The following CYP39A1 variants were observed in gnomAD, a reference collection of about 807,000 sequenced individuals.
CYP39A1 encodes cytochrome P450 family 39 subfamily A member 1.
CYP39A1 carries 49 observed loss-of-function variants against 58.1 expected under a neutral mutation model. The observed-to-expected ratio is 0.84, with a 90% CI of 0.67 to 1.07. The LOEUF is 1.07. Among genes scored for constraint, CYP39A1 ranks in the 50% least tolerant of loss-of-function variants. The probability of loss-of-function intolerance (pLI) is 0.00; values close to 1 mark genes in which losing one functional copy is unlikely to be tolerated. For synonymous variants in CYP39A1, 209 were observed against 187.6 expected (o/e 1.11, Z -0.93); for missense variants, 531 against 539.4 (o/e 0.98, Z 0.16).
At chr6:46,636,572 A>G in intron 4 of CYP39A1, 90 bp from the exon 5 acceptor site, 1 of 775,928 alleles carries the variant, frequency 1.3e-6, no homozygotes, top group African/African-American at 1.8e-5. Context: ...CTGTGGAATT[A>G]AAATTAGTTC....
chr6:46,607,238 A>G (rs1233842434), intron 7 of CYP39A1, among the ~76,000 whole-genome samples: 3 of 152,184 alleles, frequency 2.0e-5, no homozygotes, highest in African/African-American at 4.8e-5. Context: ...TAAGTTTCAT[A>G]TAAGAGAATT....
chr6:46,552,920 C>T (rs771871093), intron 11 of CYP39A1, among the ~76,000 whole-genome samples: 13 of 151,836 alleles, frequency 8.6e-5, no homozygotes, highest in African/African-American at 2.9e-4. Context: ...TGGTGGTGTG[C>T]GCCTGCAGGC....
At chr6:46,623,187 C>CA (rs59179491) in intron 7 of CYP39A1, among the ~76,000 whole-genome samples, 29,056 of 152,046 alleles carry the variant, frequency 0.19, 2,983 homozygotes, top group African/African-American at 0.27. Context: ...TTGACTGGAT[C>CA]GGGGGTGCCC....
chr6:46,573,226 T>C (rs190776879), intron 10 of CYP39A1, among the ~76,000 whole-genome samples: 5 of 152,250 alleles, frequency 3.3e-5, no homozygotes, highest in African/African-American at 1.2e-4. Context: ...TGTGTATGTG[T>C]TTATGACCTT....
chr6:46,577,606 A>T (rs1771906621), intron 10 of CYP39A1, among the ~76,000 whole-genome samples: 1 of 152,104 alleles, frequency 6.6e-6, no homozygotes, highest in African/African-American at 2.4e-5. Flanking sequence ...AACAGAAAAT[A>T]AAAAAAGAGT....
chr6:46,621,307 T>C (rs1351936301), intron 7 of CYP39A1, among the ~76,000 whole-genome samples: 1 of 148,674 alleles, frequency 6.7e-6, no homozygotes, highest in Non-Finnish European at 1.5e-5. Context: ...AATAGAGAAA[T>C]TGTAAAGATT....
chr6:46,571,121 T>C (rs1388784129), intron 10 of CYP39A1, among the ~76,000 whole-genome samples: 9 of 152,190 alleles, frequency 5.9e-5, no homozygotes, highest in African/African-American at 1.9e-4. Flanking sequence ...TTAAATTTTT[T>C]ATGGTCTACT....
chr6:46,590,784 C>T (rs1297084558), intron 8 of CYP39A1, among the ~76,000 whole-genome samples: 1 of 152,122 alleles, frequency 6.6e-6, no homozygotes, highest in Non-Finnish European at 1.5e-5. Context: ...TTTGATCCTC[C>T]TGAATAACCA....
In CYP39A1 at chr6:46,625,433, C is replaced by T; in HGVS notation, c.916G>A (p.Val306Met). The change falls in exon 7 of 12, where the codon GTG becomes ATG. Residue 306 changes from valine to methionine, a missense_variant. Coordinates refer to ENST00000275016, the MANE Select transcript of CYP39A1 (RefSeq NM_016593.5). ...HKAIMEGISS[V>M]FGKAGKDKIK... ...GGTTTAGTACCTGCTTTGCCAAACA[C>T]AGAAGATATGCCTTCCATAATGGCC... is the stretch of plus-strand genomic sequence containing the variant. 1 of 1,608,542 alleles carries T rather than the reference C, an allele frequency of 6.2e-7. No homozygotes were observed. Among genetic ancestry groups the T allele is most frequent in the Non-Finnish European group, 8.5e-7 (1 of 1,177,016 alleles).
At chr6:46,566,886 A>G (rs1054378701) in intron 10 of CYP39A1, among the ~76,000 whole-genome samples, 3 of 152,020 alleles carry the variant, frequency 2.0e-5, no homozygotes, top group Admixed American at 6.6e-5. Context: ...ATATACATGT[A>G]CCCATATATA....
At chr6:46,621,879 T>C (rs1774976576) in intron 7 of CYP39A1, among the ~76,000 whole-genome samples, 1 of 152,110 alleles carries the variant, frequency 6.6e-6, no homozygotes, top group East Asian at 1.9e-4. Flanking sequence ...ATATTCCTTA[T>C]TAACATAGAT....
At chr6:46,616,763 G>T (rs1439293587) in intron 7 of CYP39A1, among the ~76,000 whole-genome samples, 1 of 152,108 alleles carries the variant, frequency 6.6e-6, no homozygotes, top group East Asian at 1.9e-4. Flanking sequence ...AAGGATGAAA[G>T]GGCAGAGATG....
chr6:46,637,932 A>C lies in CYP39A1; in HGVS notation c.535T>G (p.Leu179Val), dbSNP rs1429251619. 1.9e-6 allele frequency: 3 copies of C among 1,613,048 alleles called. No homozygotes were observed. Among genetic ancestry groups the C allele is most frequent in the Admixed American group, 1.7e-5 (1 of 59,760 alleles). ...VTVNMLFNKS[L>V]FSTNKKKIKE... ...ATTTTTTTCTTGTTTGTGGAAAACA[A>C]ACTTTTATTAAAGAGCATATTCACT... The change falls in exon 4 of 12, where the codon TTG becomes GTG. Residue 179 changes from leucine to valine, a missense_variant. By Grantham distance (32) the Leu-to-Val change is conservative. Transcript: ENST00000275016.
Position 46,587,058 on chromosome 6 carries a change from GC to G in CYP39A1, c.1250+18del. 6.3e-7 allele frequency: 1 copy of G among 1,584,182 alleles called. No homozygotes were observed. The highest frequency in any genetic ancestry group is 8.7e-7 in the Non-Finnish European group (1 of 1,155,438). ...TCTGCAGACTTTCTGGATAAATGTG[GC>G]CCAGCTGTCTCACTGACCTTGCAGG... On this transcript the variant is annotated intron_variant, in intron 10 of 11. Transcript: ENST00000275016.
intron 5 of CYP39A1, among the ~76,000 whole-genome samples, chr6:46,631,369 T>C (rs1775651844): frequency 6.6e-6 from 1 of 152,144 alleles, no homozygotes; most frequent in South Asian, 2.1e-4. Flanking sequence ...TCCTCATCCA[T>C]AAAATGTTCA....
intron 3 of CYP39A1, among the ~76,000 whole-genome samples, chr6:46,638,714 T>C (rs1309087874): frequency 1.3e-5 from 2 of 151,958 alleles, no homozygotes; most frequent in East Asian, 3.9e-4. Flanking sequence ...GTGTCCCCCC[T>C]CCACCCCCTA....
At chr6:46,566,160 C>T (rs1203395002) in intron 10 of CYP39A1, among the ~76,000 whole-genome samples, 2 of 152,198 alleles carry the variant, frequency 1.3e-5, no homozygotes, top group African/African-American at 4.8e-5. Context: ...GTTTTCCTGA[C>T]TGCAGCCAGG....
intron 11 of CYP39A1, among the ~76,000 whole-genome samples, chr6:46,553,145 A>G (rs1435184877): frequency 3.3e-5 from 5 of 151,876 alleles, no homozygotes; most frequent in Admixed American, 3.3e-4. Flanking sequence ...TGGATCAGAA[A>G]TTCTAGCGAT....
intron 1 of CYP39A1, among the ~76,000 whole-genome samples, chr6:46,647,836 G>T (rs969768797): frequency 1.3e-5 from 2 of 151,808 alleles, no homozygotes; most frequent in Non-Finnish European, 2.9e-5. Context: ...TTTTTTTCTT[G>T]TAAATTTGTT....
Sources: gnomAD v4.1 joint callset for allele counts (sites outside exome capture counted in the v4.1 genomes callset) on GRCh38, gnomAD v4.1.1 for gene constraint, MANE v1.5 for transcripts, NCBI Gene and HGNC (gene_info 2026-07-23, HGNC 2026-07-21) for gene names.